Variants in NEK1 observed in about 807,000 individuals in gnomAD.
The protein encoded by NEK1 is serine/threonine-protein kinase Nek1.
Under a neutral mutation model 182.1 loss-of-function variants are expected in NEK1, and 137 were observed. The observed-to-expected ratio is 0.75, with a 90% CI of 0.65 to 0.87. The LOEUF (loss-of-function observed/expected upper bound fraction) is 0.87, where lower values mean the gene tolerates loss of function less well. Ranked by LOEUF, NEK1 falls within the 40% of genes least tolerant of loss-of-function variation. NEK1 has a pLI of 0.00. For missense variants in NEK1, 1,391 were observed against 1,494.4 expected, an observed-to-expected ratio of 0.93 and a Z score of 1.14; for synonymous variants, 513 against 492.2, an observed-to-expected ratio of 1.04 and a Z score of -0.56.
chr4:169,574,169 A>G (rs1765315139), intron 12 of NEK1, among the ~76,000 whole-genome samples: 1 of 152,206 alleles, frequency 6.6e-6, no homozygotes. Flanking sequence ...AAAAGAAAAG[A>G]AAAGAGAAAG....
chr4:169,581,435 T>A (rs1482407921), intron 10 of NEK1, among the ~76,000 whole-genome samples: 1 of 152,082 alleles, frequency 6.6e-6, no homozygotes, highest in Non-Finnish European at 1.5e-5. Flanking sequence ...CCAGGCTGAT[T>A]TAAAAAAAAT....
At chr4:169,592,966 G>A (rs772427951) in intron 5 of NEK1, among the ~76,000 whole-genome samples, 3 of 151,390 alleles carry the variant, frequency 2.0e-5, no homozygotes, top group South Asian at 2.1e-4. Context: ...ATTATGTTAA[G>A]TTGAGTATTA....
At position 169,561,978 on chromosome 4, in the gene NEK1, G is replaced by A; in HGVS notation, c.1081-87C>T. ...GAAAGTTAGTACACCAATGGCAGAGGTATGTTCAATGAGGTTTTTTTTTTA... is the reference window on the plus strand; with the variant it reads ...GAAAGTTAGTACACCAATGGCAGAGATATGTTCAATGAGGTTTTTTTTTTA... On this transcript the variant is annotated intron_variant, in intron 13 of 35. Transcript: ENST00000507142. 2.5e-6 allele frequency: 3 copies of A among 1,194,664 alleles called. No individual in the cohort carries two copies. The South Asian group carries it at 4.3e-5, about 17-fold the overall frequency. The allele number at this position is 1,194,664 out of a possible 1,614,324, so 74.0% of individuals were successfully genotyped here.
chr4:169,606,009 A>G (rs746097892), intron 2 of NEK1, among the ~76,000 whole-genome samples: 27 of 152,020 alleles, frequency 1.8e-4, no homozygotes, highest in Non-Finnish European at 5.9e-5. Context: ...TAGAAACACG[A>G]AAGATTTAAA....
chr4:169,580,961 AC>A, intron 10 of NEK1, 59 bp from the exon 11 acceptor site: 1 of 935,584 alleles, frequency 1.1e-6, no homozygotes, highest in Non-Finnish European at 1.6e-6. Context: ...TAAAAAACCT[AC>A]CCATTAATTA....
At chr4:169,430,413 G>A (rs1467837852) in intron 29 of NEK1, among the ~76,000 whole-genome samples, 29 of 152,102 alleles carry the variant, frequency 1.9e-4, no homozygotes, top group Admixed American at 1.9e-3. Context: ...TCGAACTCCT[G>A]GCCTCAAGAG....
In NEK1 at chr4:169,477,455, G is replaced by A; in HGVS notation, c.2182C>T (p.Gln728Ter). ...ACTGAAATAGCATTGTTGGTCTTTT[G>A]CATCTCTTCTGAAGTTTCCCGGGTA... is the stretch of plus-strand genomic sequence containing the variant. ...TDTRETSEEM[Q>*]KTNNAISSKR... The change falls in exon 25 of 36, where the codon CAA (glutamine) becomes TAA (stop). Residue 728 changes from glutamine (Q) to a stop codon, truncating the protein, a stop_gained. Transcript: ENST00000507142. LOFTEE classifies it high-confidence loss of function. The A allele has an allele frequency of 6.2e-7, 1 of 1,607,380 alleles. No individual in the cohort carries two copies. The highest frequency in any genetic ancestry group is 8.5e-7 in the Non-Finnish European group (1 of 1,176,826).
At chr4:169,561,281 G>T (rs1561415852) in intron 16 of NEK1, among the ~76,000 whole-genome samples, 199 bp downstream of exon 16, 2 of 152,090 alleles carry the variant, frequency 1.3e-5, no homozygotes, top group Non-Finnish European at 2.9e-5. Context: ...TTTGAGTATA[G>T]TCACATAACA....
intron 26 of NEK1, among the ~76,000 whole-genome samples, chr4:169,471,530 G>A (rs1745964571): frequency 6.6e-6 from 1 of 152,162 alleles, no homozygotes; most frequent in Non-Finnish European, 1.5e-5. Flanking sequence ...CCAGATGCCA[G>A]CTGAAGTTCT....
At position 169,424,537 on chromosome 4, in the gene NEK1, T is replaced by G. The variant is rs1324267992; in HGVS notation, c.3222+16A>C. ...TATCGAATGGATAATATTTTCCACT[T>G]GAGGACCATACTTGCCTTTGGGTTG... On this transcript the variant is annotated intron_variant, in intron 31 of 35. Coordinates refer to ENST00000507142, the MANE Select transcript of NEK1 (RefSeq NM_001199397.3). 5.1e-6 allele frequency: 8 copies of G among 1,560,142 alleles called. No homozygotes were observed. The highest frequency in any genetic ancestry group is 7.0e-6 in the Non-Finnish European group (8 of 1,150,608).
At chr4:169,609,275 A>C (rs1042378554) in intron 2 of NEK1, among the ~76,000 whole-genome samples, 2 of 152,284 alleles carry the variant, frequency 1.3e-5, no homozygotes, top group Admixed American at 6.5e-5. Context: ...ACAAGCACTA[A>C]GGAAAATAAT....
intron 27 of NEK1, among the ~76,000 whole-genome samples, chr4:169,444,471 T>C (rs144174887): frequency 6.6e-6 from 1 of 152,110 alleles, no homozygotes; most frequent in Admixed American, 6.5e-5. Context: ...CATACACTTA[T>C]ATCAGATAAG....
At position 169,599,155 on chromosome 4, in the gene NEK1, C is replaced by G; in HGVS notation, c.257G>C (p.Gly86Ala). The G allele has an allele frequency of 6.2e-7, 1 of 1,613,364 alleles. No homozygotes were observed. The highest frequency in any genetic ancestry group is 8.5e-7 in the Non-Finnish European group (1 of 1,179,664). ...AGCATTTATTCGCTTAAACAGATCC[C>G]CTCCCTCACAGTAATCCATTACTAT... ...LYIVMDYCEG[G>A]DLFKRINAQK... is the part of the protein sequence containing the mutation. The change falls in exon 5 of 36, where the codon GGG becomes GCG. Residue 86 changes from glycine (G) to alanine (A), a missense_variant. Transcript: ENST00000507142.
At chr4:169,486,785 T>C (rs980067006) in intron 23 of NEK1, among the ~76,000 whole-genome samples, 1 of 152,220 alleles carries the variant, frequency 6.6e-6, no homozygotes, top group Non-Finnish European at 1.5e-5. Context: ...ATGGAAAGTC[T>C]AAAAATAAGA....
chr4:169,400,295 CAA>C lies in NEK1; in HGVS notation c.3775_3776del (p.Leu1259GlyfsTer3). ...EICSKIVQNI[L>X]GNEHQHLYAK... The stretch of plus-strand genomic sequence containing the variant: ...CATAAAGATGCTGATGTTCATTTCC[CAA>C]AATATTTTGAACTATTTTTGAACAA... On this transcript the variant is annotated frameshift_variant, in exon 35 of 36. Coordinates refer to ENST00000507142, the MANE Select transcript of NEK1 (RefSeq NM_001199397.3). LOFTEE classifies it high-confidence loss of function. The C allele has an allele frequency of 4.5e-6, 7 of 1,557,390 alleles. No homozygotes were observed. The highest frequency in any genetic ancestry group is 6.1e-6 in the Non-Finnish European group (7 of 1,148,286).
rs6835759 is a variant in NEK1 at position 169,407,058 on chromosome 4, A to G, written c.3223-311T>C. Reference sequence around the variant, plus strand: ...TTTAGCACAGGAATTCCCTGATACCACCTTTGAAAACTGGGAGAAGTGTTT... The same window carrying G: ...TTTAGCACAGGAATTCCCTGATACCGCCTTTGAAAACTGGGAGAAGTGTTT... On this transcript the variant is annotated intron_variant, in intron 31 of 35. Coordinates refer to ENST00000507142, the MANE Select transcript of NEK1 (RefSeq NM_001199397.3). Among the ~76,000 whole-genome samples, 55,938 of 151,918 alleles carry G rather than the reference A, an allele frequency of 0.37. 10,805 individuals carry two copies. The highest frequency in any genetic ancestry group is 0.46 in the African/African-American group (19,134 of 41,394).
At chr4:169,534,831 T>C (rs1039714457) in intron 19 of NEK1, among the ~76,000 whole-genome samples, 1 of 151,618 alleles carries the variant, frequency 6.6e-6, no homozygotes, top group South Asian at 2.1e-4. Context: ...TTACCAGACA[T>C]GTAAAGAAAA....
Position 169,427,485 on chromosome 4 carries a change from C to CTTTTA in NEK1, c.2886-1256_2886-1252dup, listed in dbSNP as rs199767392. 7.8e-4 allele frequency among the ~76,000 whole-genome samples: 117 copies of CTTTTA among 149,832 alleles called. 1 individual carries two copies. The East Asian group carries it at 0.014, about 18-fold the overall frequency. On this transcript the variant is annotated intron_variant, in intron 29 of 35. Transcript: ENST00000507142. ...TTTTCAGATTTTCAACCATTTTCTG[C>CTTTTA]TTTTATTTTATTTTATTTTATTTAT...
In NEK1 at chr4:169,400,333, T is replaced by TTTCATC; in HGVS notation, c.3733_3738dup (p.Asp1245_Glu1246dup). The TTTCATC allele has an allele frequency of 1.3e-6, 2 of 1,529,826 alleles. No individual in the cohort carries two copies. Among genetic ancestry groups the TTTCATC allele is most frequent in the Non-Finnish European group, 1.8e-6 (2 of 1,130,754 alleles). 94.8% of individuals were successfully genotyped at this position (1,529,826 alleles called of 1,614,324 possible). On this transcript the variant is annotated inframe_insertion, in exon 35 of 36. Transcript: ENST00000507142. ...ACTATTTTTGAACAAATTTCAATAT[T>TTTCATC]TTCATCTTCATCTTCATGAATAGCC...
Sources: allele counts gnomAD v4.1 joint callset (sites outside exome capture counted in the v4.1 genomes callset), GRCh38; gene constraint gnomAD v4.1.1; transcripts MANE v1.5; gene names NCBI Gene and HGNC (gene_info 2026-07-23, HGNC 2026-07-21).